The following PPFIA2 variants were observed in gnomAD, a reference collection of about 807,000 sequenced individuals.
PPFIA2 encodes liprin-alpha-2.
A neutral mutation model predicts 175.5 loss-of-function variants in PPFIA2; 46 were observed. The observed-to-expected ratio is 0.26, with a 90% confidence interval of 0.21 to 0.34. PPFIA2 has a LOEUF of 0.34. Among genes scored for constraint, PPFIA2 ranks in the 10% least tolerant of loss-of-function variants. The probability of loss-of-function intolerance (pLI) is 1.00; values close to 1 mark genes in which losing one functional copy is unlikely to be tolerated. For missense variants in PPFIA2, 1,179 were observed against 1,506.1 expected (o/e 0.78, Z 3.60); for synonymous variants, 568 against 511.4 (o/e 1.11, Z -1.49).
At chr12:81,582,101 C>A (rs1429128443) in intron 4 of PPFIA2, among the ~76,000 whole-genome samples, 1 of 151,820 alleles carries the variant, frequency 6.6e-6, no homozygotes, top group African/African-American at 2.4e-5. Flanking sequence ...GACTAAGATT[C>A]CATTTTTAAT....
At chr12:81,657,280 G>T (rs2153540566) in intron 4 of PPFIA2, among the ~76,000 whole-genome samples, 1 of 152,318 alleles carries the variant, frequency 6.6e-6, no homozygotes, top group South Asian at 2.1e-4. Flanking sequence ...TTCCTACAAA[G>T]CCAAAGTTTA....
chr12:81,315,425 C>A (rs542206730), intron 22 of PPFIA2, among the ~76,000 whole-genome samples: 1 of 151,564 alleles, frequency 6.6e-6, no homozygotes, highest in South Asian at 2.1e-4. Context: ...AAATTATGGA[C>A]GTGATCTAAG....
At chr12:81,429,400 T>C (rs1196289128) in intron 7 of PPFIA2, among the ~76,000 whole-genome samples, 1 of 152,056 alleles carries the variant, frequency 6.6e-6, no homozygotes, top group African/African-American at 2.4e-5. Context: ...ATGGCAGTTT[T>C]AATTTGAAGA....
chr12:81,549,940 T>C (rs1025199014), intron 4 of PPFIA2, among the ~76,000 whole-genome samples: 2 of 151,892 alleles, frequency 1.3e-5, no homozygotes, highest in African/African-American at 4.8e-5. Context: ...CCAAATAATT[T>C]TTATCTTAGC....
intron 4 of PPFIA2, among the ~76,000 whole-genome samples, chr12:81,492,164 C>T (rs556349490): frequency 5.0e-4 from 76 of 151,768 alleles, no homozygotes; most frequent in African/African-American, 1.7e-3. Flanking sequence ...AAGTACTACA[C>T]GGCTTATGTT....
At chr12:81,586,661 C>T (rs568351660) in intron 4 of PPFIA2, among the ~76,000 whole-genome samples, 1 of 151,710 alleles carries the variant, frequency 6.6e-6, no homozygotes, top group African/African-American at 2.4e-5. Flanking sequence ...AATACAAGAA[C>T]ACTTTCAAAA....
intron 4 of PPFIA2, among the ~76,000 whole-genome samples, chr12:81,614,571 T>C (rs1369288408): frequency 2.6e-5 from 4 of 152,146 alleles, no homozygotes; most frequent in Non-Finnish European, 5.9e-5. Flanking sequence ...ACTAACACAA[T>C]GTTTAGGCCA....
chr12:81,657,842 C>A (rs2068032141), intron 4 of PPFIA2, among the ~76,000 whole-genome samples: 2 of 152,204 alleles, frequency 1.3e-5, no homozygotes, highest in African/African-American at 2.4e-5. Context: ...TCAACATCTA[C>A]CTCTCAAAAC....
intron 9 of PPFIA2, among the ~76,000 whole-genome samples, 198 bp from the exon 10 acceptor site, chr12:81,376,140 G>A (rs960146015): frequency 2.0e-5 from 3 of 152,024 alleles, no homozygotes; most frequent in Non-Finnish European, 4.4e-5. Context: ...TTGTATCTTC[G>A]GTTAACCAAA....
chr12:81,329,513 T>C (rs1316279875), intron 21 of PPFIA2, among the ~76,000 whole-genome samples: 1 of 152,090 alleles, frequency 6.6e-6, no homozygotes, highest in Non-Finnish European at 1.5e-5. Context: ...GTAAACAGTT[T>C]TGAACCACCA....
intron 6 of PPFIA2, among the ~76,000 whole-genome samples, chr12:81,443,541 A>G (rs1455081903): frequency 6.6e-6 from 1 of 151,686 alleles, no homozygotes; most frequent in Non-Finnish European, 1.5e-5. Flanking sequence ...TTTTTTTCTT[A>G]AATGTACTCA....
chr12:81,572,555 T>C (rs2072745393), intron 4 of PPFIA2, among the ~76,000 whole-genome samples: 1 of 152,004 alleles, frequency 6.6e-6, no homozygotes, highest in Non-Finnish European at 1.5e-5. Context: ...TGTCCAAATG[T>C]TTAATAAACT....
At chr12:81,729,512 A>G (rs1428558817) in intron 3 of PPFIA2, among the ~76,000 whole-genome samples, 1 of 151,514 alleles carries the variant, frequency 6.6e-6, no homozygotes, top group Non-Finnish European at 1.5e-5. Flanking sequence ...ATTATTGGAG[A>G]TATTTTTAAA....
intron 7 of PPFIA2, among the ~76,000 whole-genome samples, chr12:81,436,888 A>AC (rs1169621449): frequency 6.6e-6 from 1 of 152,168 alleles, no homozygotes; most frequent in African/African-American, 2.4e-5. Flanking sequence ...CAACAACAAA[A>AC]CCAAAATGGA....
chr12:81,561,586 C>T (rs2070095391), intron 4 of PPFIA2, among the ~76,000 whole-genome samples: 1 of 152,158 alleles, frequency 6.6e-6, no homozygotes, highest in African/African-American at 2.4e-5. Flanking sequence ...ATATAGCTAT[C>T]TTCCTATTAC....
chr12:81,306,512 T>C (rs1444447410), intron 22 of PPFIA2, among the ~76,000 whole-genome samples: 3 of 151,520 alleles, frequency 2.0e-5, no homozygotes, highest in Non-Finnish European at 2.9e-5. Context: ...TTCTTACTGT[T>C]TTTTGTTTGT....
chr12:81,622,561 T>C (rs894496088), intron 4 of PPFIA2, among the ~76,000 whole-genome samples: 2 of 152,008 alleles, frequency 1.3e-5, no homozygotes, highest in African/African-American at 2.4e-5. Context: ...CTGCTCAGAG[T>C]TCCCACTGGA....
intron 4 of PPFIA2, chr12:81,472,958 C>T (rs1263966270): frequency 3.9e-5 from 6 of 152,182 alleles, no homozygotes; most frequent in African/African-American, 1.4e-4. Context: ...TAAAATTACT[C>T]ACATATTATC....
At chr12:81,569,018 T>G (rs1284180416) in intron 4 of PPFIA2, among the ~76,000 whole-genome samples, 2 of 152,206 alleles carry the variant, frequency 1.3e-5, no homozygotes, top group African/African-American at 4.8e-5. Flanking sequence ...ATTGTTCTAC[T>G]TTTCTTCATA....
Sources: allele counts gnomAD v4.1 joint callset (sites outside exome capture counted in the v4.1 genomes callset), GRCh38; gene constraint gnomAD v4.1.1; transcripts MANE v1.5; gene names NCBI Gene and HGNC (gene_info 2026-07-23, HGNC 2026-07-21).